The following ITGAV variants were observed in gnomAD, a reference collection of about 807,000 sequenced individuals.
The protein encoded by ITGAV is integrin alpha-V.
Under a neutral mutation model 143.8 loss-of-function variants are expected in ITGAV, and 76 were observed. The observed-to-expected ratio is 0.53, with a 90% CI of 0.44 to 0.64. ITGAV has a LOEUF of 0.64. Among genes scored for constraint, ITGAV ranks in the 30% least tolerant of loss-of-function variants. The pLI is 0.00. For synonymous variants in ITGAV, 453 were observed against 446.7 expected (o/e 1.01, Z -0.18); for missense variants, 1,193 against 1,274.7 (o/e 0.94, Z 0.98).
chr2:186,667,817 C>T, intron 24 of ITGAV, 41 bp downstream of exon 24: 4 of 1,304,408 alleles, frequency 3.1e-6, no homozygotes, highest in Non-Finnish European at 3.2e-6. Context: ...CGTGAGCAAG[C>T]CAACGAAGAG....
At chr2:186,640,785 C>A (rs1205548115) in intron 10 of ITGAV, 130 bp from the exon 11 acceptor site, 2 of 678,658 alleles carry the variant, frequency 2.9e-6, no homozygotes, top group Non-Finnish European at 2.5e-6. Context: ...AAACAAAAGA[C>A]AAGACATTTA....
chr2:186,680,490 A>G lies in ITGAV; in HGVS notation c.*3198A>G, dbSNP rs983263994. ...CAAGTGCAATATAACAATGTAACCA[A>G]ATCTAGATAATTTCAAAGTTGTCAT... On this transcript the variant is annotated 3_prime_UTR_variant, in exon 30 of 30. Transcript: ENST00000261023. 6.6e-6 allele frequency: 1 copy of G among 152,526 alleles called. No homozygotes were observed. Among genetic ancestry groups the G allele is most frequent in the Non-Finnish European group, 1.5e-5 (1 of 67,932 alleles). The allele number at this position is 152,526 out of a possible 1,614,324, so 9.4% of individuals were successfully genotyped here.
At chr2:186,648,155 C>CT (rs980059644) in intron 13 of ITGAV, among the ~76,000 whole-genome samples, 1 of 151,980 alleles carries the variant, frequency 6.6e-6, no homozygotes, top group East Asian at 1.9e-4. Context: ...TCTTATTTAC[C>CT]TTTTTTTGTG....
Position 186,649,893 on chromosome 2 carries a change from T to TGATTAAAA in ITGAV, c.1397+8_1397+9insGATTAAAA. Reference sequence around the variant, plus strand: ...TCGAGCTATCTTATACAGGTGAGCATTTTCTGTATCCTGCGGTATAGGAAT... The same window carrying TGATTAAAA: ...TCGAGCTATCTTATACAGGTGAGCATGATTAAAATTTCTGTATCCTGCGGTATAGGAAT... On this transcript the variant is annotated intron_variant, in intron 14 of 29. Transcript: ENST00000261023. 6.8e-7 allele frequency: 1 copy of TGATTAAAA among 1,471,374 alleles called. No homozygotes were observed. The highest frequency in any genetic ancestry group is 9.1e-7 in the Non-Finnish European group (1 of 1,102,046). 91.1% of individuals were successfully genotyped at this position (1,471,374 alleles called of 1,614,324 possible). A position where few individuals can be genotyped will look rare whatever the true frequency, so the allele number is the denominator to read the frequency against.
In ITGAV at chr2:186,680,376, A is replaced by C. The variant is rs1011693976; in HGVS notation, c.*3084A>C. The C allele has an allele frequency of 1.3e-5, 2 of 152,542 alleles. No individual in the cohort carries two copies. The highest frequency in any genetic ancestry group is 4.8e-5 in the African/African-American group (2 of 41,454). The allele number at this position is 152,542 out of a possible 1,614,324, so 9.4% of individuals were successfully genotyped here. A position where few individuals can be genotyped will look rare whatever the true frequency, so the allele number is the denominator to read the frequency against. The stretch of plus-strand genomic sequence containing the variant: ...GAACGATAGAAATATGCAGCATGCA[A>C]TATATGCTTATATTTCATTTTAATT... On this transcript the variant is annotated 3_prime_UTR_variant, in exon 30 of 30. Coordinates refer to ENST00000261023, the MANE Select transcript of ITGAV (RefSeq NM_002210.5).
At chr2:186,614,406 T>G (rs905923394) in intron 2 of ITGAV, among the ~76,000 whole-genome samples, 2 of 152,064 alleles carry the variant, frequency 1.3e-5, no homozygotes, top group African/African-American at 2.4e-5. Context: ...TTATTAGTCT[T>G]AGTTCATATT....
chr2:186,674,127 C>A (rs1320605812), intron 26 of ITGAV, among the ~76,000 whole-genome samples: 2 of 152,004 alleles, frequency 1.3e-5, no homozygotes, highest in Non-Finnish European at 2.9e-5. Flanking sequence ...GTGCACCCAC[C>A]ACACCTGGCT....
rs997543795 is a variant in ITGAV at position 186,638,146 on chromosome 2, A to G, written c.803-131A>G. ...CTGGGCTATTTATTACGGAGTACCA[A>G]TTTTTCTAAATTGATTGTTTGTTTT... On this transcript the variant is annotated intron_variant, in intron 8 of 29. Transcript: ENST00000261023. 4.5e-5 allele frequency: 34 copies of G among 750,034 alleles called. 2 individuals carry two copies. The Middle Eastern group carries it at 4.2e-3, about 93-fold the overall frequency. 46.5% of individuals were successfully genotyped at this position (750,034 alleles called of 1,614,324 possible).
intron 4 of ITGAV, 120 bp from the exon 5 acceptor site, chr2:186,630,677 A>G (rs915073742): frequency 8.1e-6 from 5 of 617,294 alleles, no homozygotes; most frequent in Non-Finnish European, 1.5e-5. Context: ...GCCCGAGTGA[A>G]TGACCACTCT....
At chr2:186,662,259 G>A (rs1400060954) in intron 18 of ITGAV, among the ~76,000 whole-genome samples, 3 of 152,144 alleles carry the variant, frequency 2.0e-5, no homozygotes, top group African/African-American at 7.2e-5. Context: ...TTGGCATGAT[G>A]TAAAGAATCA....
Position 186,638,356 on chromosome 2 carries a change from T to C in ITGAV, c.846+36T>C, listed in dbSNP as rs1438360326. On this transcript the variant is annotated intron_variant, in intron 9 of 29. Transcript: ENST00000261023. ...TAAAAGGTATTTTTTAAAAAATCTC[T>C]AAGTTATCTTCTATTTTACCAGATT... 3.1e-6 allele frequency: 5 copies of C among 1,608,722 alleles called. No homozygotes were observed. In the South Asian group the frequency reaches 5.5e-5, roughly 18 times the overall value.
intron 14 of ITGAV, among the ~76,000 whole-genome samples, chr2:186,650,693 G>T (rs1688400488): frequency 6.6e-6 from 1 of 151,572 alleles, no homozygotes; most frequent in Non-Finnish European, 1.5e-5. Context: ...CTACAGGCAT[G>T]TGCCACTACC....
chr2:186,614,426 T>G (rs1574467811), intron 2 of ITGAV, among the ~76,000 whole-genome samples: 1 of 152,184 alleles, frequency 6.6e-6, no homozygotes, highest in Middle Eastern at 3.4e-3. Flanking sequence ...TACAAAAAGT[T>G]TTTTTAGTTA....
At chr2:186,668,247 G>A (rs1301742201) in intron 24 of ITGAV, among the ~76,000 whole-genome samples, 1 of 7,006 alleles carries the variant, frequency 1.4e-4, no homozygotes, top group Non-Finnish European at 3.9e-4. Flanking sequence ...TTTTTTTGAG[G>A]TGAAGTCTTG....
chr2:186,631,285 CTA>C (rs1687808162), intron 5 of ITGAV, among the ~76,000 whole-genome samples: 1 of 152,090 alleles, frequency 6.6e-6, no homozygotes, highest in Non-Finnish European at 1.5e-5. Flanking sequence ...TGTTTGCCAT[CTA>C]TTATGTGCCT....
At chr2:186,595,206 G>T (rs1002311456) in intron 1 of ITGAV, among the ~76,000 whole-genome samples, 1 of 152,202 alleles carries the variant, frequency 6.6e-6, no homozygotes, top group African/African-American at 2.4e-5. Flanking sequence ...AAGGCTCATT[G>T]GTCAACTCAG....
At chr2:186,666,634 T>C (rs777593922) in intron 21 of ITGAV, 70 bp from the exon 22 acceptor site, 12 of 756,888 alleles carry the variant, frequency 1.6e-5, no homozygotes, top group Non-Finnish European at 2.5e-5. Context: ...ATTTTTTATT[T>C]AGACATTGGA....
chr2:186,637,132 C>A, intron 8 of ITGAV, 23 bp downstream of exon 8: 2 of 1,583,280 alleles, frequency 1.3e-6, no homozygotes, highest in Non-Finnish European at 1.7e-6. Flanking sequence ...TGAACTATAT[C>A]TAATCTTTAA....
At chr2:186,645,597 G>C (rs1688232551) in intron 12 of ITGAV, among the ~76,000 whole-genome samples, 1 of 152,146 alleles carries the variant, frequency 6.6e-6, no homozygotes, top group African/African-American at 2.4e-5. Context: ...ATGGGGATGG[G>C]TGTGACATGA....
Sources: allele counts gnomAD v4.1 joint callset (sites outside exome capture counted in the v4.1 genomes callset), GRCh38; gene constraint gnomAD v4.1.1; transcripts MANE v1.5; gene names NCBI Gene and HGNC (gene_info 2026-07-23, HGNC 2026-07-21).